The following KLHL32 variants were observed in gnomAD, a reference collection of about 807,000 sequenced individuals.
KLHL32 encodes the protein kelch-like protein 32.
A neutral mutation model predicts 64.8 loss-of-function variants in KLHL32; 35 were observed. The observed-to-expected ratio is 0.54, with a 90% CI of 0.41 to 0.72. The LOEUF (loss-of-function observed/expected upper bound fraction) is 0.72. Among genes scored for constraint, KLHL32 ranks in the 30% least tolerant of loss-of-function variants. The probability of loss-of-function intolerance (pLI) is 0.00; values close to 1 mark genes in which losing one functional copy is unlikely to be tolerated. For synonymous variants in KLHL32, 259 were observed against 281.0 expected (o/e 0.92, Z 0.78); for missense variants, 589 against 768.5 (o/e 0.77, Z 2.76).
At chr6:96,982,946 C>T (rs1316997397) in intron 3 of KLHL32, among the ~76,000 whole-genome samples, 1 of 152,234 alleles carries the variant, frequency 6.6e-6, no homozygotes, top group Admixed American at 6.5e-5. Context: ...AGAGGGCATC[C>T]CTGTCTTGTG....
chr6:96,951,119 T>G (rs1772524797), intron 1 of KLHL32, among the ~76,000 whole-genome samples: 1 of 151,198 alleles, frequency 6.6e-6, no homozygotes, highest in African/African-American at 2.4e-5. Context: ...TATTTAAAAT[T>G]TTATTATTAA....
chr6:97,053,713 A>T (rs775687059), intron 4 of KLHL32, among the ~76,000 whole-genome samples: 2 of 151,916 alleles, frequency 1.3e-5, no homozygotes, highest in African/African-American at 4.8e-5. Flanking sequence ...AGATATAAGT[A>T]CATTTGTTTT....
At position 97,114,182 on chromosome 6, in the gene KLHL32, G is replaced by T. The variant is rs1467446808; in HGVS notation, c.1027G>T (p.Val343Phe). 3 of 1,614,208 alleles carry T rather than the reference G, an allele frequency of 1.9e-6. No homozygotes were observed. Among genetic ancestry groups the T allele is most frequent in the African/African-American group, 1.3e-5 (1 of 75,064 alleles). ...PVGRSHHCVA[V>F]MGDFLFVAGG... ...GGGAAGGAGCCACCATTGTGTGGCAGTCATGGGGGACTTCCTGTTTGTGGC... is the reference window on the plus strand; with the variant it reads ...GGGAAGGAGCCACCATTGTGTGGCATTCATGGGGGACTTCCTGTTTGTGGC... The change falls in exon 7 of 11, where the codon GTC becomes TTC. Residue 343 changes from valine (V) to phenylalanine (F), a missense_variant. Coordinates refer to ENST00000369261, the MANE Select transcript of KLHL32 (RefSeq NM_052904.4).
At chr6:97,128,814 G>A (rs576819371) in intron 8 of KLHL32, among the ~76,000 whole-genome samples, 295 of 152,362 alleles carry the variant, frequency 1.9e-3, no homozygotes, top group Non-Finnish European at 2.9e-3. Flanking sequence ...TGCAGTGAAG[G>A]AAGCTAAAGA....
At chr6:96,959,136 G>T (rs1773607035) in intron 1 of KLHL32, among the ~76,000 whole-genome samples, 1 of 152,148 alleles carries the variant, frequency 6.6e-6, no homozygotes, top group Admixed American at 6.5e-5. Flanking sequence ...AAAGCTGGGG[G>T]CCAGATGCTC....
chr6:97,019,946 ATT>A (rs59828741), intron 3 of KLHL32, among the ~76,000 whole-genome samples: 1,656 of 115,050 alleles, frequency 0.014, 68 homozygotes, highest in Admixed American at 0.1. Flanking sequence ...CTCCCGGCGA[ATT>A]TTTTTTTTTT....
chr6:96,966,144 A>G (rs1249913281), intron 1 of KLHL32, among the ~76,000 whole-genome samples: 1 of 152,230 alleles, frequency 6.6e-6, no homozygotes, highest in Non-Finnish European at 1.5e-5. Flanking sequence ...GCTTTCCAAA[A>G]TAAAATTGAG....
intron 3 of KLHL32, among the ~76,000 whole-genome samples, chr6:97,022,000 C>T (rs761615451): frequency 2.0e-5 from 3 of 150,970 alleles, no homozygotes; most frequent in East Asian, 1.9e-4. Flanking sequence ...ACTCCAGCCA[C>T]TTCTAGTACT....
At chr6:97,081,649 A>G (rs906093598) in intron 5 of KLHL32, among the ~76,000 whole-genome samples, 2 of 152,192 alleles carry the variant, frequency 1.3e-5, no homozygotes, top group African/African-American at 4.8e-5. Flanking sequence ...GTCAACTCCA[A>G]GTTAGTCCTT....
At chr6:96,963,937 G>A (rs191906642) in intron 1 of KLHL32, among the ~76,000 whole-genome samples, 346 of 152,296 alleles carry the variant, frequency 2.3e-3, no homozygotes, top group Non-Finnish European at 3.1e-3. Flanking sequence ...GATCACAGTT[G>A]AAAGAGATCT....
chr6:96,997,883 T>C (rs923361886), intron 3 of KLHL32, among the ~76,000 whole-genome samples: 1 of 152,220 alleles, frequency 6.6e-6, no homozygotes, highest in South Asian at 2.1e-4. Flanking sequence ...ACAGTACTGC[T>C]GATTTTAAAA....
the KLHL32 span, among the ~76,000 whole-genome samples, chr6:96,918,408 T>C: frequency 3.3e-3 from 506 of 152,320 alleles, 1 homozygote; most frequent in African/African-American, 0.012. Flanking sequence ...TGGGAAACAT[T>C]AGTTAAATTT....
At chr6:96,941,776 G>T (rs1448135668) in intron 1 of KLHL32, among the ~76,000 whole-genome samples, 2 of 151,886 alleles carry the variant, frequency 1.3e-5, no homozygotes, top group African/African-American at 2.4e-5. Context: ...GTCCTTTACT[G>T]ATCTCTTCCA....
chr6:96,943,321 C>G (rs565347303), intron 1 of KLHL32, among the ~76,000 whole-genome samples: 1 of 151,518 alleles, frequency 6.6e-6, no homozygotes, highest in South Asian at 2.1e-4. Context: ...GGGTTGGTCT[C>G]TTGGTGTCAT....
chr6:97,044,783 T>C (rs562913317), intron 4 of KLHL32, among the ~76,000 whole-genome samples: 1 of 152,218 alleles, frequency 6.6e-6, no homozygotes, highest in African/African-American at 2.4e-5. Flanking sequence ...TTCTAGATTA[T>C]CCAATTTTTT....
intron 5 of KLHL32, among the ~76,000 whole-genome samples, chr6:97,067,891 A>AT (rs1408145684): frequency 4.6e-5 from 7 of 152,078 alleles, no homozygotes; most frequent in Non-Finnish European, 1.0e-4. Flanking sequence ...CAGAGTTTTC[A>AT]TATTGGGACT....
intron 1 of KLHL32, among the ~76,000 whole-genome samples, chr6:96,962,159 T>G (rs1162069069): frequency 1.3e-5 from 2 of 152,200 alleles, no homozygotes; most frequent in African/African-American, 2.4e-5. Flanking sequence ...AAGATATTTA[T>G]TTTGTCTGTG....
intron 3 of KLHL32, among the ~76,000 whole-genome samples, chr6:97,009,081 C>T (rs1780034959): frequency 6.6e-6 from 1 of 151,672 alleles, no homozygotes; most frequent in South Asian, 2.1e-4. Context: ...ATTGTAAAAG[C>T]AGGTGAGTTG....
intron 6 of KLHL32, among the ~76,000 whole-genome samples, chr6:97,109,720 A>T (rs148432040): frequency 2.4e-3 from 371 of 152,314 alleles, no homozygotes; most frequent in Non-Finnish European, 4.1e-3. Context: ...AAAATAATTA[A>T]ATGGGCAGCA....
Sources: gnomAD v4.1 joint callset for allele counts (sites outside exome capture counted in the v4.1 genomes callset) on GRCh38, gnomAD v4.1.1 for gene constraint, MANE v1.5 for transcripts, NCBI Gene and HGNC (gene_info 2026-07-23, HGNC 2026-07-21) for gene names.